The following WDR26 variants were observed in gnomAD, a reference collection of about 807,000 sequenced individuals.
WDR26 encodes the protein WD repeat-containing protein 26.
In WDR26, 5 loss-of-function variants were observed where a neutral mutation model predicts 84.1. That is an observed-to-expected ratio of 0.06 (90% CI 0.03 to 0.13). The LOEUF is 0.13. Ranked by LOEUF, WDR26 falls within the 10% of genes least tolerant of loss-of-function variation. The pLI is 1.00. For missense variants in WDR26, 642 were observed against 974.9 expected (o/e 0.66, Z 4.55); for synonymous variants, 415 against 389.6 (o/e 1.07, Z -0.77).
chr1:224,398,246 C>T lies in WDR26; in HGVS notation c.1945-20G>A, dbSNP rs1299149740. On this transcript the variant is annotated intron_variant, in intron 11 of 13. Transcript: ENST00000414423. ...AACTCCCTGCAGGCAAAGGAGAATA[C>T]AGATATTTAATCTGCCTCAACTCAA... is the stretch of plus-strand genomic sequence containing the variant. The T allele has an allele frequency of 2.5e-6, 4 of 1,604,922 alleles. No individual in the cohort carries two copies. The highest frequency in any genetic ancestry group is 2.7e-5 in the African/African-American group (2 of 74,414).
At chr1:224,424,854 A>C in intron 3 of WDR26, 200 bp from the exon 4 acceptor site, 1 of 621,582 alleles carries the variant, frequency 1.6e-6, no homozygotes. Context: ...TCCACATCTT[A>C]CTAAAACTCT....
chr1:224,394,598 G>T (rs796390484), intron 12 of WDR26, among the ~76,000 whole-genome samples: 1 of 151,472 alleles, frequency 6.6e-6, no homozygotes, highest in African/African-American at 2.4e-5. Context: ...TCCACCTCCC[G>T]GGTTCAAGCG....
chr1:224,395,828 C>T (rs1673245166), intron 12 of WDR26, among the ~76,000 whole-genome samples: 1 of 152,214 alleles, frequency 6.6e-6, no homozygotes, highest in Non-Finnish European at 1.5e-5. Flanking sequence ...GCTTTATCAT[C>T]AAGCTCTGTT....
Position 224,385,787 on chromosome 1 carries a change from A to G in WDR26, c.*4048T>C, listed in dbSNP as rs926364658. On this transcript the variant is annotated 3_prime_UTR_variant, in exon 14 of 14. Transcript: ENST00000414423. Reference sequence around the variant, plus strand: ...ATTCAGTTCTAGCACATTGACCCTGATAATGAAAATGTTTAAGTTAAAGAT... The same window carrying G: ...ATTCAGTTCTAGCACATTGACCCTGGTAATGAAAATGTTTAAGTTAAAGAT... 6.6e-6 allele frequency: 1 copy of G among 152,630 alleles called. No individual in the cohort carries two copies. The highest frequency in any genetic ancestry group is 1.5e-5 in the Non-Finnish European group (1 of 68,030). The allele number at this position is 152,630 out of a possible 1,614,324, so 9.5% of individuals were successfully genotyped here. A position where few individuals can be genotyped will look rare whatever the true frequency, so the allele number is the denominator to read the frequency against.
chr1:224,429,383 C>T (rs1674321583), intron 3 of WDR26: 1 of 151,884 alleles, frequency 6.6e-6, no homozygotes, highest in Non-Finnish European at 1.5e-5. Context: ...TTAGTCTAGA[C>T]TAAGCCATCA....
At chr1:224,406,399 T>C (rs1293656541) in intron 7 of WDR26, among the ~76,000 whole-genome samples, 1 of 151,338 alleles carries the variant, frequency 6.6e-6, no homozygotes, top group African/African-American at 2.4e-5. Flanking sequence ...CCTGGGGGGA[T>C]GGGGGGGAAA....
At chr1:224,418,659 G>C (rs1407802951) in intron 5 of WDR26, among the ~76,000 whole-genome samples, 1 of 152,006 alleles carries the variant, frequency 6.6e-6, no homozygotes, top group Non-Finnish European at 1.5e-5. Context: ...ATTTTCTAGG[G>C]GCAGGGAGGA....
rs1357498920 is a variant in WDR26 at position 224,424,366 on chromosome 1, T to C, written c.1064+152A>G. The C allele has an allele frequency of 3.9e-6, 4 of 1,033,812 alleles. No homozygotes were observed. The African/African-American group carries it at 6.5e-5, about 17-fold the overall frequency. The allele number at this position is 1,033,812 out of a possible 1,614,324, so 64.0% of individuals were successfully genotyped here. On this transcript the variant is annotated intron_variant, in intron 4 of 13. Coordinates refer to ENST00000414423, the MANE Select transcript of WDR26 (RefSeq NM_001379403.1). Reference sequence around the variant, plus strand: ...TCCTAATCTGAACAGTTTCCTAGAATGACCAAAATAGTTGATCCACACAGG... The same window carrying C: ...TCCTAATCTGAACAGTTTCCTAGAACGACCAAAATAGTTGATCCACACAGG...
intron 4 of WDR26, among the ~76,000 whole-genome samples, chr1:224,422,833 G>T (rs1674103495): frequency 6.6e-6 from 1 of 152,116 alleles, no homozygotes; most frequent in Non-Finnish European, 1.5e-5. Context: ...GAGATTCAGA[G>T]AAATGAAAAT....
At chr1:224,399,103 A>ATTGT (rs2102891717) in intron 9 of WDR26, 69 bp from the exon 10 acceptor site, 2 of 1,378,606 alleles carry the variant, frequency 1.5e-6, no homozygotes, top group East Asian at 5.3e-5. Flanking sequence ...AAGAACCAAA[A>ATTGT]GACTCCCTTC....
intron 9 of WDR26, among the ~76,000 whole-genome samples, chr1:224,400,292 T>TG (rs892467378): frequency 1.3e-3 from 193 of 150,968 alleles, no homozygotes; most frequent in African/African-American, 4.6e-3. Context: ...AATTCAGTGT[T>TG]TTTTTTTTTT....
Position 224,419,498 on chromosome 1 carries a change from T to C in WDR26, c.1162+20A>G. On this transcript the variant is annotated intron_variant, in intron 5 of 13. Coordinates refer to ENST00000414423, the MANE Select transcript of WDR26 (RefSeq NM_001379403.1). ...TAATCTAAGAGAAAACACAGCAACA[T>C]AAAAAATTAAGACTCTTACTCTGAA... 1 of 1,583,108 alleles carries C rather than the reference T, an allele frequency of 6.3e-7. No homozygotes were observed.
rs949260546 is a variant in WDR26, at chr1:224,387,974, C to T, written c.*1861G>A. ...ATCAAAACAGGAATTTTTTGATTCT[C>T]TAAGTGGTGGTCTCTGCAAAATGGA... On this transcript the variant is annotated 3_prime_UTR_variant, in exon 14 of 14. Transcript: ENST00000414423. 9.8e-5 allele frequency: 15 copies of T among 152,530 alleles called. No homozygotes were observed. The highest frequency in any genetic ancestry group is 4.6e-4 in the Admixed American group (7 of 15,260). 9.4% of individuals were successfully genotyped at this position (152,530 alleles called of 1,614,324 possible).
intron 8 of WDR26, among the ~76,000 whole-genome samples, chr1:224,403,730 A>G (rs1488908015): frequency 2.6e-5 from 4 of 152,218 alleles, no homozygotes; most frequent in Non-Finnish European, 5.9e-5. Context: ...TTAGGTGAAG[A>G]GTTCGAGACT....
At chr1:224,423,215 T>C (rs1396251294) in intron 4 of WDR26, among the ~76,000 whole-genome samples, 6 of 152,228 alleles carry the variant, frequency 3.9e-5, no homozygotes, top group Admixed American at 3.9e-4. Flanking sequence ...TAGTTTTTCC[T>C]TTTCAATCTT....
intron 3 of WDR26, among the ~76,000 whole-genome samples, chr1:224,427,930 A>G (rs1396245680): frequency 1.3e-5 from 2 of 152,216 alleles, no homozygotes; most frequent in African/African-American, 4.8e-5. Context: ...ACTAATGTTT[A>G]TATTTTTTAA....
At chr1:224,400,801 C>T (rs1232877481) in intron 9 of WDR26, 149 bp downstream of exon 9, 6 of 1,084,936 alleles carry the variant, frequency 5.5e-6, no homozygotes, top group Non-Finnish European at 7.4e-6. Context: ...CTGCCTCGGC[C>T]TCCCAAAGTG....
At chr1:224,393,757 CT>C (rs1428148452) in intron 13 of WDR26, 70 bp downstream of exon 13, 5 of 1,317,392 alleles carry the variant, frequency 3.8e-6, no homozygotes, top group Admixed American at 2.3e-5. Flanking sequence ...CTTAAAACTG[CT>C]TTAAGTTCAT....
chr1:224,434,701 G>C lies in WDR26; in HGVS notation c.-296C>G. On this transcript the variant is annotated 5_prime_UTR_variant, in exon 1 of 14. Coordinates refer to ENST00000414423, the MANE Select transcript of WDR26 (RefSeq NM_001379403.1). ...CCCGGCAGTGGCTGCGGCGGCGGCG[G>C]CGGCGGGCGGCAGCGGAGGCAGCTG... 1 of 950,930 alleles carries C rather than the reference G, an allele frequency of 1.1e-6. No individual in the cohort carries two copies. Among genetic ancestry groups the C allele is most frequent in the Non-Finnish European group, 1.3e-6 (1 of 799,682 alleles). The allele number at this position is 950,930 out of a possible 1,614,324, so 58.9% of individuals were successfully genotyped here. A position where few individuals can be genotyped will look rare whatever the true frequency, so the allele number is the denominator to read the frequency against.
Sources: gnomAD v4.1 joint callset for allele counts (sites outside exome capture counted in the v4.1 genomes callset) on GRCh38, gnomAD v4.1.1 for gene constraint, MANE v1.5 for transcripts, NCBI Gene and HGNC (gene_info 2026-07-23, HGNC 2026-07-21) for gene names.